Variants in RXRA observed in about 807,000 individuals in gnomAD.
RXRA encodes retinoid X receptor alpha.
RXRA carries 5 observed loss-of-function variants against 44.5 expected under a neutral mutation model. The observed-to-expected ratio is 0.11, with a 90% confidence interval of 0.06 to 0.24. The LOEUF (loss-of-function observed/expected upper bound fraction) is 0.24. RXRA is among the 10% of genes least tolerant of loss of function. The probability of loss-of-function intolerance (pLI) is 1.00; values close to 1 mark genes in which losing one functional copy is unlikely to be tolerated. For missense variants in RXRA, 412 were observed against 646.5 expected, an observed-to-expected ratio of 0.64 and a Z score of 3.93; for synonymous variants, 291 against 271.4, an observed-to-expected ratio of 1.07 and a Z score of -0.71.
intron 6 of RXRA, chr9:134,424,740 C>A: frequency 1.0e-6 from 1 of 985,474 alleles, no homozygotes; most frequent in African/African-American, 1.7e-5. Context: ...TGGGTTAACT[C>A]CAAGGATACA....
chr9:134,408,067 G>A (rs904733734), intron 2 of RXRA, 82 bp from the exon 3 acceptor site: 35 of 1,081,018 alleles, frequency 3.2e-5, no homozygotes, highest in Non-Finnish European at 3.8e-5. Flanking sequence ...GTACAGCTGC[G>A]CCATCCTTGC....
In RXRA at chr9:134,436,815, T is replaced by C; in HGVS notation, c.*201T>C. 1 of 621,570 alleles carries C rather than the reference T, an allele frequency of 1.6e-6. No homozygotes were observed. The highest frequency in any genetic ancestry group is 2.7e-6 in the Non-Finnish European group (1 of 368,108). 38.5% of individuals were successfully genotyped at this position (621,570 alleles called of 1,614,324 possible). On this transcript the variant is annotated 3_prime_UTR_variant, in exon 10 of 10. Coordinates refer to ENST00000481739, the MANE Select transcript of RXRA (RefSeq NM_002957.6). Reference sequence around the variant, plus strand: ...ACTACTTGTCTGTGGCCCAGGGCAGTGGCTTTCCTGAGGCAGCAGCCTTCG... The same window carrying C: ...ACTACTTGTCTGTGGCCCAGGGCAGCGGCTTTCCTGAGGCAGCAGCCTTCG...
intron 1 of RXRA, among the ~76,000 whole-genome samples, chr9:134,358,708 C>G (rs986231132): frequency 3.9e-5 from 6 of 152,212 alleles, no homozygotes; most frequent in Non-Finnish European, 1.5e-5. Flanking sequence ...CTGGGCAGAG[C>G]CCCTGGACCC....
chr9:134,362,883 A>T (rs1588265089), intron 1 of RXRA, among the ~76,000 whole-genome samples: 1 of 152,214 alleles, frequency 6.6e-6, no homozygotes, highest in South Asian at 2.1e-4. Context: ...CCGGGTCTGC[A>T]CCAGCCTCAC....
chr9:134,407,556 CAG>C lies in RXRA; in HGVS notation c.280-588_280-587del, dbSNP rs558288289. Among the ~76,000 whole-genome samples, 16 of 152,050 alleles carry C rather than the reference CAG, an allele frequency of 1.1e-4. No individual in the cohort carries two copies. In the South Asian group the frequency reaches 3.3e-3, roughly 32 times the overall value. ...CCGGCGGGTGGGGCGGAGGGGTGTG[CAG>C]AGAGGCCAGTGGTGTCGTGCCACCC... On this transcript the variant is annotated intron_variant, in intron 2 of 9. Transcript: ENST00000481739. The surrounding 1 kb of genome is among the most constrained non-coding windows in gnomAD (Gnocchi z 4.8).
At chr9:134,411,341 C>T (rs536970188) in intron 4 of RXRA, among the ~76,000 whole-genome samples, 4 of 152,330 alleles carry the variant, frequency 2.6e-5, no homozygotes, top group South Asian at 2.1e-4. Context: ...GACCTGGAAT[C>T]ACCTGGTCAG....
At chr9:134,422,313 G>A (rs751064382) in intron 6 of RXRA, 14 of 1,283,832 alleles carry the variant, frequency 1.1e-5, no homozygotes, top group South Asian at 5.0e-5. Flanking sequence ...CCCCTTTCCC[G>A]GGACACTCCC....
In RXRA at chr9:134,436,875, C is replaced by A; in HGVS notation, c.*261C>A. The A allele has an allele frequency of 2.1e-6, 1 of 468,034 alleles. No homozygotes were observed. Among genetic ancestry groups the A allele is most frequent in the Non-Finnish European group, 3.8e-6 (1 of 261,218 alleles). The allele number at this position is 468,034 out of a possible 1,614,324, so 29.0% of individuals were successfully genotyped here. On this transcript the variant is annotated 3_prime_UTR_variant, in exon 10 of 10. Coordinates refer to ENST00000481739, the MANE Select transcript of RXRA (RefSeq NM_002957.6). ...CTAGCGTGAGCCCAGCCAGGCGCCT[C>A]CCCACCGGGCTCTCAGGACACCCTG...
At chr9:134,380,168 G>A (rs1004473416) in intron 1 of RXRA, 50 of 985,344 alleles carry the variant, frequency 5.1e-5, no homozygotes, top group African/African-American at 4.0e-4. Flanking sequence ...GGGCAGGTGC[G>A]TGTGTTGGGG....
intron 1 of RXRA, among the ~76,000 whole-genome samples, chr9:134,374,925 G>T (rs1045823090): frequency 2.0e-5 from 3 of 152,154 alleles, no homozygotes; most frequent in Admixed American, 2.0e-4. Flanking sequence ...CACCTGCTAT[G>T]TGCCAGGCAC....
rs1831710314 is a variant in RXRA, at chr9:134,440,254, C to G, written c.*3640C>G. ...CAGACGATGGCAGAGGAGAGGGCTCCTGTGACGGCGGCGAGGCTTGGGAGG... is the reference window on the plus strand; with the variant it reads ...CAGACGATGGCAGAGGAGAGGGCTCGTGTGACGGCGGCGAGGCTTGGGAGG... On this transcript the variant is annotated 3_prime_UTR_variant, in exon 10 of 10. Coordinates refer to ENST00000481739, the MANE Select transcript of RXRA (RefSeq NM_002957.6). The G allele has an allele frequency of 6.6e-6, 1 of 152,286 alleles. No individual in the cohort carries two copies. Among genetic ancestry groups the G allele is most frequent in the Non-Finnish European group, 1.5e-5 (1 of 68,038 alleles). 9.4% of individuals were successfully genotyped at this position (152,286 alleles called of 1,614,324 possible).
At chr9:134,375,342 C>T (rs1483717805) in intron 1 of RXRA, among the ~76,000 whole-genome samples, 11 of 152,136 alleles carry the variant, frequency 7.2e-5, no homozygotes, top group Non-Finnish European at 1.6e-4. Flanking sequence ...CTGTGGCTGG[C>T]TGGGCACCCA....
chr9:134,407,209 T>G lies in RXRA; in HGVS notation c.280-940T>G, dbSNP rs1398694299. On this transcript the variant is annotated intron_variant, in intron 2 of 9. Coordinates refer to ENST00000481739, the MANE Select transcript of RXRA (RefSeq NM_002957.6). The surrounding 1 kb of genome is among the most constrained non-coding windows in gnomAD (Gnocchi z 4.8). ...GCGGTGGTTTCTGCTTTGCTTGCAT[T>G]GAGCCTCAAACTCTTCCTGTCCCGT... 6.6e-6 allele frequency among the ~76,000 whole-genome samples: 1 copy of G among 152,200 alleles called. No homozygotes were observed. Among genetic ancestry groups the G allele is most frequent in the Admixed American group, 6.5e-5 (1 of 15,284 alleles).
intron 4 of RXRA, among the ~76,000 whole-genome samples, chr9:134,412,718 T>C (rs565225250): frequency 3.3e-5 from 5 of 151,786 alleles, no homozygotes; most frequent in African/African-American, 1.2e-4. Context: ...GGGGCAGGGG[T>C]TGGGGGTCCC....
chr9:134,354,030 A>G (rs1171675883), intron 1 of RXRA, among the ~76,000 whole-genome samples: 4 of 152,170 alleles, frequency 2.6e-5, no homozygotes, highest in Admixed American at 2.6e-4. Flanking sequence ...AGAGGCAAAG[A>G]CGGAGCCTAG....
intron 1 of RXRA, among the ~76,000 whole-genome samples, chr9:134,399,563 G>C (rs1000659480): frequency 6.6e-6 from 1 of 151,896 alleles, no homozygotes; most frequent in African/African-American, 2.4e-5. Flanking sequence ...GCATGTGTTT[G>C]ATATCTACAT....
At chr9:134,327,027 G>A (rs1554746112) in intron 1 of RXRA, among the ~76,000 whole-genome samples, 1 of 151,860 alleles carries the variant, frequency 6.6e-6, no homozygotes, top group Admixed American at 6.6e-5. Context: ...GCGCTCCGCG[G>A]CTCCGGCCTC....
At chr9:134,422,333 G>T (rs1831354259) in intron 6 of RXRA, 1 of 1,276,516 alleles carries the variant, frequency 7.8e-7, no homozygotes, top group South Asian at 1.2e-5. Context: ...CCACTCCTGG[G>T]ACACTACCCC....
intron 1 of RXRA, among the ~76,000 whole-genome samples, chr9:134,399,590 C>G (rs947684145): frequency 6.6e-6 from 1 of 152,212 alleles, no homozygotes. Flanking sequence ...CCTGCCTGTC[C>G]TCCTCCCAGG....
Sources: gnomAD v4.1 joint callset for allele counts (sites outside exome capture counted in the v4.1 genomes callset) on GRCh38, gnomAD v4.1.1 for gene constraint, Gnocchi (gnomAD v3.1) non-coding constraint, MANE v1.5 for transcripts, NCBI Gene and HGNC (gene_info 2026-07-23, HGNC 2026-07-21) for gene names.